The following VIRMA variants were observed in gnomAD, a reference collection of about 807,000 sequenced individuals.
VIRMA encodes protein virilizer homolog.
A neutral mutation model predicts 182.4 loss-of-function variants in VIRMA; 65 were observed. That is an observed-to-expected ratio of 0.36 (90% CI 0.29 to 0.44). The LOEUF (loss-of-function observed/expected upper bound fraction) is 0.44. VIRMA is among the 20% of genes least tolerant of loss of function. The pLI, the probability that VIRMA is intolerant of heterozygous loss-of-function variation, is 1.00. For missense variants in VIRMA, 1,752 were observed against 2,158.1 expected (o/e 0.81, Z 3.73); for synonymous variants, 709 against 743.1 (o/e 0.95, Z 0.75).
chr8:94,537,115 T>G lies in VIRMA; in HGVS notation c.303A>C (p.Arg101Ser). The G allele has an allele frequency of 6.2e-7, 1 of 1,604,478 alleles. No homozygotes were observed. The highest frequency in any genetic ancestry group is 8.5e-7 in the Non-Finnish European group (1 of 1,171,282). The change falls in exon 4 of 24, where the codon AGA becomes AGC. Residue 101 changes from arginine (R) to serine (S), a missense_variant. By Grantham distance (110) the Arg-to-Ser change is moderately radical (BLOSUM62 -1). This residue lies in a region of VIRMA where 195 missense variants were observed against 191.7 expected (regional missense o/e 1.02). Coordinates refer to ENST00000297591, the MANE Select transcript of VIRMA (RefSeq NM_015496.5). Reference protein sequence around the residue: ...EYDENTSIIFRPNSKVNTDGL... With the variant: ...EYDENTSIIFSPNSKVNTDGL... The stretch of plus-strand genomic sequence containing the variant: ...CTTCCAGAATTACCTTTGAGTTAGG[T>G]CTAAAGATGATGGAAGTATTCTCAT...
At chr8:94,491,460 C>T in intron 22 of VIRMA, 118 bp downstream of exon 22, 1 of 957,118 alleles carries the variant, frequency 1.0e-6, no homozygotes, top group East Asian at 2.6e-5. Flanking sequence ...CCAGAGGTGG[C>T]TCAACTGCAG....
At chr8:94,494,273 T>C (rs1198607779) in intron 20 of VIRMA, among the ~76,000 whole-genome samples, 1 of 151,170 alleles carries the variant, frequency 6.6e-6, no homozygotes, top group Non-Finnish European at 1.5e-5. Context: ...GGTAACAGAG[T>C]GAGACTTTAT....
chr8:94,509,661 G>C, intron 15 of VIRMA, 27 bp downstream of exon 15: 1 of 1,591,200 alleles, frequency 6.3e-7, no homozygotes. Flanking sequence ...CATGCAGAGA[G>C]AGACTTTATA....
At chr8:94,530,903 C>CA (rs1236583843) in intron 6 of VIRMA, 60 bp downstream of exon 6, 1 of 1,557,348 alleles carries the variant, frequency 6.4e-7, no homozygotes, top group Non-Finnish European at 8.7e-7. Flanking sequence ...CATCTCAAAA[C>CA]AAAAACAAAA....
At chr8:94,535,344 T>G (rs7012478) in intron 4 of VIRMA, among the ~76,000 whole-genome samples, 2 of 152,064 alleles carry the variant, frequency 1.3e-5, no homozygotes, top group African/African-American at 4.8e-5. Context: ...TAAACCCCAA[T>G]AGGTACAGGG....
chr8:94,522,316 C>G (rs569476658), intron 8 of VIRMA, among the ~76,000 whole-genome samples: 1 of 152,206 alleles, frequency 6.6e-6, no homozygotes, highest in Non-Finnish European at 1.5e-5. Context: ...TAGGCAGGCA[C>G]TATGTGACTC....
At chr8:94,500,872 T>TA (rs1201802687) in intron 16 of VIRMA, among the ~76,000 whole-genome samples, 5 of 152,050 alleles carry the variant, frequency 3.3e-5, no homozygotes, top group African/African-American at 1.2e-4. Context: ...CGATAAGAAC[T>TA]ACATGACTCT....
At chr8:94,523,605 C>T (rs1029116387) in intron 8 of VIRMA, among the ~76,000 whole-genome samples, 3 of 151,848 alleles carry the variant, frequency 2.0e-5, no homozygotes, top group African/African-American at 4.8e-5. Flanking sequence ...TTTTCTGTAG[C>T]GGTCTCCCTA....
chr8:94,495,645 T>C (rs1305190717), intron 19 of VIRMA, 86 bp downstream of exon 19: 4 of 1,091,016 alleles, frequency 3.7e-6, no homozygotes, highest in Non-Finnish European at 3.9e-6. Flanking sequence ...TGGCCCTTTA[T>C]AGAAAAAAAC....
intron 16 of VIRMA, among the ~76,000 whole-genome samples, chr8:94,504,962 C>T (rs543523047): frequency 2.6e-5 from 4 of 152,236 alleles, no homozygotes; most frequent in East Asian, 3.9e-4. Context: ...ATAGATAATA[C>T]GATAGCACAG....
Position 94,517,863 on chromosome 8 carries a change from C to A in VIRMA, c.2593G>T (p.Val865Phe). 1 of 1,612,510 alleles carries A rather than the reference C, an allele frequency of 6.2e-7. No homozygotes were observed. Among genetic ancestry groups the A allele is most frequent in the Non-Finnish European group, 8.5e-7 (1 of 1,178,802 alleles). ...ILVVVQSSSD[V>F]QMLEQHAASL... ...GCTGCATGTTGTTCTAGCATTTGAA[C>A]ATCACTGGAAGACTGAACCACCACC... The change falls in exon 10 of 24, where the codon GTT (valine) becomes TTT (phenylalanine). Residue 865 changes from valine to phenylalanine, a missense_variant. Transcript: ENST00000297591.
At chr8:94,513,416 A>C (rs1410597814) in intron 11 of VIRMA, among the ~76,000 whole-genome samples, 1 of 140,168 alleles carries the variant, frequency 7.1e-6, no homozygotes, top group Non-Finnish European at 1.5e-5. Context: ...CTCATAGTAG[A>C]GTCTAGACCA....
At chr8:94,511,155 T>C (rs1474842731) in intron 13 of VIRMA, 30 bp downstream of exon 13, 6 of 1,595,980 alleles carry the variant, frequency 3.8e-6, no homozygotes, top group Admixed American at 3.7e-5. Flanking sequence ...TGCAGTCATT[T>C]ATAAGATGCA....
In VIRMA at chr8:94,510,421, G is replaced by C. The variant is rs759067310; in HGVS notation, c.3622C>G (p.Gln1208Glu). 17 of 1,608,958 alleles carry C rather than the reference G, an allele frequency of 1.1e-5. No homozygotes were observed. In the East Asian group the frequency reaches 3.8e-4, roughly 36 times the overall value. Residue 1208 changes from glutamine (Q) to glutamate (E), a missense_variant, in exon 14 of 24, where the codon CAA (glutamine) becomes GAA (glutamate). Coordinates refer to ENST00000297591, the MANE Select transcript of VIRMA (RefSeq NM_015496.5). ...TVLDLIVEDL[Q>E]STSEDKEKQY... The stretch of plus-strand genomic sequence containing the variant: ...TTTAATGCAAAATGAAAATACCTTT[G>C]CAAGTCTTCTACAATCAAATCCAAC...
rs745684751 is a variant in VIRMA, at chr8:94,526,237, G to A, written c.2007C>T (p.Tyr669=). The change falls in exon 8 of 24, where the codon TAC becomes TAT. Residue 669 remains tyrosine, a synonymous_variant. Transcript: ENST00000297591. ...ACATGTCTTACCTAAAGAGAACAGG[G>A]TATGGATCATCCCTCTCTGGAGGTC... The part of the protein sequence containing the change: ...ITGPPERDDP[Y]PVLFRYLHSH... 1.2e-6 allele frequency: 2 copies of A among 1,610,194 alleles called. No homozygotes were observed. The highest frequency in any genetic ancestry group is 1.7e-6 in the Non-Finnish European group (2 of 1,177,996).
chr8:94,547,080 C>G lies in VIRMA; in HGVS notation c.64-3138G>C, dbSNP rs552304218. 4 of 451,740 alleles carry G rather than the reference C, an allele frequency of 8.9e-6. No individual in the cohort carries two copies. The East Asian group carries it at 2.8e-4, about 31-fold the overall frequency. 28.0% of individuals were successfully genotyped at this position (451,740 alleles called of 1,614,324 possible). A position where few individuals can be genotyped will look rare whatever the true frequency, so the allele number is the denominator to read the frequency against. Reference sequence around the variant, plus strand: ...TCAAATCTAGATAGGTGCCTCTCCTCCTAGTGCCTAAAGTCCTTTATCTAG... The same window carrying G: ...TCAAATCTAGATAGGTGCCTCTCCTGCTAGTGCCTAAAGTCCTTTATCTAG... On this transcript the variant is annotated intron_variant, in intron 1 of 23. Coordinates refer to ENST00000297591, the MANE Select transcript of VIRMA (RefSeq NM_015496.5).
chr8:94,529,527 T>C (rs1217803954), intron 6 of VIRMA, among the ~76,000 whole-genome samples, 185 bp from the exon 7 acceptor site: 1 of 152,208 alleles, frequency 6.6e-6, no homozygotes, highest in Admixed American at 6.5e-5. Context: ...CAGTGAGCAA[T>C]AATAAAGTAT....
chr8:94,527,661 C>T (rs1815020691), intron 7 of VIRMA, among the ~76,000 whole-genome samples: 1 of 152,046 alleles, frequency 6.6e-6, no homozygotes, highest in Non-Finnish European at 1.5e-5. Flanking sequence ...CTTTTCCTCA[C>T]AGAAATATAA....
chr8:94,538,786 G>T (rs1043739270), intron 2 of VIRMA, among the ~76,000 whole-genome samples: 1 of 152,006 alleles, frequency 6.6e-6, no homozygotes, highest in Non-Finnish European at 1.5e-5. Context: ...TGATTTTTTT[G>T]TATTTTTAGT....
Sources: allele counts gnomAD v4.1 joint callset (sites outside exome capture counted in the v4.1 genomes callset), GRCh38; gene constraint gnomAD v4.1.1; regional missense constraint gnomAD v4.1.1; transcripts MANE v1.5; gene names NCBI Gene and HGNC (gene_info 2026-07-23, HGNC 2026-07-21).